The following MYH2 variants were observed in gnomAD, a reference collection of about 807,000 sequenced individuals.
The protein encoded by MYH2 is myosin-2.
MYH2 carries 139 observed loss-of-function variants against 228.1 expected under a neutral mutation model. The ratio of observed to expected loss-of-function variants is 0.61; its 90% CI spans 0.53 to 0.70. MYH2 has a LOEUF of 0.70. Ranked by LOEUF, MYH2 falls within the 30% of genes least tolerant of loss-of-function variation. The pLI is 0.00. For missense variants in MYH2, 1,809 were observed against 2,357.5 expected (o/e 0.77, Z 4.82); for synonymous variants, 796 against 871.1 (o/e 0.91, Z 1.52).
intron 19 of MYH2, among the ~76,000 whole-genome samples, chr17:10,534,777 C>T (rs1038994609): frequency 3.3e-5 from 5 of 152,096 alleles, no homozygotes; most frequent in East Asian, 1.9e-4. Flanking sequence ...ATTAGCTGGG[C>T]GTGGTGGCAT....
intron 4 of MYH2, 113 bp from the exon 5 acceptor site, chr17:10,545,615 A>G: frequency 7.1e-7 from 1 of 1,414,946 alleles, no homozygotes; most frequent in Non-Finnish European, 9.7e-7. Context: ...CCCAGGCTGG[A>G]GTGCAGTGGT....
At chr17:10,531,561 A>G (rs1396721783) in intron 22 of MYH2, 72 bp downstream of exon 22, 26 of 1,600,662 alleles carry the variant, frequency 1.6e-5, no homozygotes, top group Non-Finnish European at 2.1e-5. Flanking sequence ...TACCCAACTC[A>G]TGGCCCACAA....
At chr17:10,539,864 G>A (rs2073529867) in intron 12 of MYH2, 64 bp downstream of exon 12, 3 of 1,606,182 alleles carry the variant, frequency 1.9e-6, no homozygotes, top group Admixed American at 1.7e-5. Flanking sequence ...AAAATTCCTG[G>A]GTAACAAGTT....
In MYH2 at chr17:10,523,668, T is replaced by C; in HGVS notation, c.5302-2A>G. The C allele has an allele frequency of 6.2e-7, 1 of 1,614,254 alleles. No individual in the cohort carries two copies. The highest frequency in any genetic ancestry group is 8.5e-7 in the Non-Finnish European group (1 of 1,180,048). On this transcript the variant is annotated splice_acceptor_variant, in intron 36 of 39. Coordinates refer to ENST00000245503, the MANE Select transcript of MYH2 (RefSeq NM_017534.6). LOFTEE classifies it high-confidence loss of function. ...CAGCTCCTCAGCCATCATGGCGGCC[T>C]AAATAGCAAATAAATCAAGAAAACC... is the stretch of plus-strand genomic sequence containing the variant.
intron 17 of MYH2, among the ~76,000 whole-genome samples, chr17:10,535,642 C>G (rs1025111059): frequency 1.3e-5 from 2 of 152,174 alleles, no homozygotes; most frequent in Non-Finnish European, 2.9e-5. Context: ...TACCCTGGTC[C>G]CTGGCCATAC....
chr17:10,529,495 A>G lies in MYH2; in HGVS notation c.3118-14T>C. 6.2e-7 allele frequency: 1 copy of G among 1,614,190 alleles called. No individual in the cohort carries two copies. On this transcript the variant is annotated splice_polypyrimidine_tract_variant and intron_variant, in intron 24 of 39. Coordinates refer to ENST00000245503, the MANE Select transcript of MYH2 (RefSeq NM_017534.6). ...GGACCCTTCAAGCTAAATATAAATT[A>G]TGTTGAATCAGAAGGAATGCTTATC... is the stretch of plus-strand genomic sequence containing the variant.
Position 10,524,419 on chromosome 17 carries a change from G to T in MYH2, c.5175+47C>A, listed in dbSNP as rs1047238390. 29 of 1,611,018 alleles carry T rather than the reference G, an allele frequency of 1.8e-5. No homozygotes were observed. The highest frequency in any genetic ancestry group is 2.4e-5 in the Non-Finnish European group (28 of 1,177,302). On this transcript the variant is annotated intron_variant, in intron 35 of 39. Transcript: ENST00000245503. The surrounding 1 kb of genome is among the most constrained non-coding windows in gnomAD (Gnocchi z 4.7). ...ATGAAAACTCAGGCTTATCTATTCTGGGACATATAAAATTTACTAAGGAGA... is the reference window on the plus strand; with the variant it reads ...ATGAAAACTCAGGCTTATCTATTCTTGGACATATAAAATTTACTAAGGAGA...
In MYH2 at chr17:10,535,114, T is replaced by C. The variant is rs760554916; in HGVS notation, c.2139A>G (p.Lys713=). ...CATAAAGGATTCTGCTTGGAAATCCTTTCCTACAGATGCGGATGCCTTCCA... is the reference window on the plus strand; with the variant it reads ...CATAAAGGATTCTGCTTGGAAATCCCTTCCTACAGATGCGGATGCCTTCCA... The part of the protein sequence containing the change: ...GVLEGIRICR[K]GFPSRILYAD... Residue 713 remains lysine (K), a synonymous_variant, in exon 19 of 40, where the codon AAA becomes AAG. Coordinates refer to ENST00000245503, the MANE Select transcript of MYH2 (RefSeq NM_017534.6). 1.9e-6 allele frequency: 3 copies of C among 1,614,200 alleles called. No homozygotes were observed. Among genetic ancestry groups the C allele is most frequent in the Non-Finnish European group, 2.5e-6 (3 of 1,180,036 alleles).
rs770499680 is a variant in MYH2 at position 10,547,880 on chromosome 17, G to A, written c.41C>T (p.Ala14Val). 230 of 1,614,036 alleles carry A rather than the reference G, an allele frequency of 1.4e-4. 4 individuals carry two copies. The highest frequency in any genetic ancestry group is 9.9e-4 in the Middle Eastern group (6 of 6,052). The change falls in exon 3 of 40, where the codon GCT (alanine) becomes GTT (valine). Residue 14 changes from alanine to valine, a missense_variant. Around this residue, in one of 9 missense-constraint regions of MYH2, gnomAD observed 84 missense variants for 81.8 expected, o/e 1.03. Coordinates refer to ENST00000245503, the MANE Select transcript of MYH2 (RefSeq NM_017534.6). ...CCTTTCAGACTTTCGGAGGAAAGGAGCAGCCTCCCCAAAAACAGCCAATTC... is the reference window on the plus strand; with the variant it reads ...CCTTTCAGACTTTCGGAGGAAAGGAACAGCCTCCCCAAAAACAGCCAATTC... ...DSELAVFGEA[A>V]PFLRKSERER...
At chr17:10,535,407 ATG>A in intron 17 of MYH2, 42 bp from the exon 18 acceptor site, 1 of 1,521,640 alleles carries the variant, frequency 6.6e-7, no homozygotes, top group Non-Finnish European at 9.1e-7. Context: ...GGCTCTAGAC[ATG>A]GATATGAGCA....
At chr17:10,543,491 G>T (rs542912556) in intron 8 of MYH2, among the ~76,000 whole-genome samples, 7 of 152,092 alleles carry the variant, frequency 4.6e-5, no homozygotes, top group Non-Finnish European at 1.5e-5. Context: ...TTTTAAAATT[G>T]TGAGTAAGTG....
chr17:10,533,722 C>G (rs893982838), intron 19 of MYH2, 90 bp from the exon 20 acceptor site: 2 of 1,496,028 alleles, frequency 1.3e-6, no homozygotes, highest in Non-Finnish European at 9.2e-7. Context: ...TAAAGCAGAG[C>G]TTTAAAAAAA....
At position 10,524,158 on chromosome 17, in the gene MYH2, A is replaced by G. The variant is rs1056916261; in HGVS notation, c.5176-274T>C. Among the ~76,000 whole-genome samples, 3 of 152,220 alleles carry G rather than the reference A, an allele frequency of 2.0e-5. No homozygotes were observed. The highest frequency in any genetic ancestry group is 4.4e-5 in the Non-Finnish European group (3 of 68,042). On this transcript the variant is annotated intron_variant, in intron 35 of 39. Transcript: ENST00000245503. This position sits in a 1 kb window ranked among gnomAD's most constrained non-coding sequence, Gnocchi z 4.7. Reference sequence around the variant, plus strand: ...ATAGACCATTCACAGGGATAAAAGTATAATGGACTTTCTCATAACATTCCA... The same window carrying G: ...ATAGACCATTCACAGGGATAAAAGTGTAATGGACTTTCTCATAACATTCCA...
chr17:10,522,225 G>T (rs2142288954), intron 39 of MYH2, among the ~76,000 whole-genome samples: 1 of 152,212 alleles, frequency 6.6e-6, no homozygotes, highest in East Asian at 1.9e-4. Flanking sequence ...CTGGACTTGG[G>T]TCCATTTCCA....
rs2073384919 is a variant in MYH2, at chr17:10,528,720, A to G, written c.3714T>C (p.Ala1238=). 1 of 1,614,120 alleles carries G rather than the reference A, an allele frequency of 6.2e-7. No homozygotes were observed. The highest frequency in any genetic ancestry group is 8.5e-7 in the Non-Finnish European group (1 of 1,179,992). ...SEMKMEIDDL[A]SNVETVSKAK... Reference sequence around the variant, plus strand: ...CTTTGGAGACCGTTTCTACATTACTAGCAAGGTCATCAATCTCCATCTTCA... The same window carrying G: ...CTTTGGAGACCGTTTCTACATTACTGGCAAGGTCATCAATCTCCATCTTCA... The change falls in exon 27 of 40, where the codon GCT becomes GCC. Residue 1238 remains alanine (A), a synonymous_variant. Coordinates refer to ENST00000245503, the MANE Select transcript of MYH2 (RefSeq NM_017534.6).
chr17:10,548,815 G>T (rs1056866604), intron 2 of MYH2, among the ~76,000 whole-genome samples: 1 of 152,078 alleles, frequency 6.6e-6, no homozygotes, highest in Non-Finnish European at 1.5e-5. Context: ...TAATTCTACC[G>T]CAGTCATTAC....
In MYH2 at chr17:10,537,179, T is replaced by C; in HGVS notation, c.1897+54A>G. ...AGACCTAAGAGATCACTAGCTTCAA[T>C]TTAACATCACATTTTGTAATACCTA... On this transcript the variant is annotated intron_variant, in intron 16 of 39. Coordinates refer to ENST00000245503, the MANE Select transcript of MYH2 (RefSeq NM_017534.6). The surrounding 1 kb of genome is among the most constrained non-coding windows in gnomAD (Gnocchi z 4.0). 5.0e-6 allele frequency: 8 copies of C among 1,610,332 alleles called. No individual in the cohort carries two copies. The highest frequency in any genetic ancestry group is 6.8e-6 in the Non-Finnish European group (8 of 1,177,150).
At chr17:10,536,076 C>A (rs2073478847) in intron 17 of MYH2, among the ~76,000 whole-genome samples, 1 of 152,128 alleles carries the variant, frequency 6.6e-6, no homozygotes, top group Admixed American at 6.5e-5. Flanking sequence ...GAAAAGTGAA[C>A]TAATAATTTC....
chr17:10,545,221 A>G (rs2073611632), intron 5 of MYH2, 125 bp downstream of exon 5: 6 of 1,569,972 alleles, frequency 3.8e-6, no homozygotes, highest in Non-Finnish European at 4.4e-6. Context: ...CTTCTCCTTC[A>G]TAAATACACC....
Sources: allele counts gnomAD v4.1 joint callset (sites outside exome capture counted in the v4.1 genomes callset), GRCh38; gene constraint gnomAD v4.1.1; regional missense constraint gnomAD v4.1.1; non-coding constraint Gnocchi (gnomAD v3.1); transcripts MANE v1.5; gene names NCBI Gene and HGNC (gene_info 2026-07-23, HGNC 2026-07-21).